ITPR1: variants seen among roughly 807,000 people sequenced by gnomAD.
ITPR1 encodes the protein inositol 1,4,5-trisphosphate receptor type 1.
A neutral mutation model predicts 318.4 loss-of-function variants in ITPR1; 96 were observed. The observed-to-expected ratio is 0.30, with a 90% confidence interval of 0.26 to 0.36. The LOEUF (loss-of-function observed/expected upper bound fraction) is 0.36, where lower values mean the gene tolerates loss of function less well. Ranked by LOEUF, ITPR1 falls within the 10% of genes least tolerant of loss-of-function variation. The pLI is 1.00. For missense variants in ITPR1, 2,440 were observed against 3,460.2 expected, an observed-to-expected ratio of 0.71 and a Z score of 7.40; for synonymous variants, 1,312 against 1,289.9, an observed-to-expected ratio of 1.02 and a Z score of -0.37.
chr3:4,682,835 A>G (rs552696734), intron 26 of ITPR1, among the ~76,000 whole-genome samples: 1 of 152,202 alleles, frequency 6.6e-6, no homozygotes, highest in Admixed American at 6.5e-5. Context: ...AGACCCAATA[A>G]TTGACTAGCA....
At chr3:4,628,916 C>T (rs182178365) in intron 5 of ITPR1, among the ~76,000 whole-genome samples, 112 of 152,358 alleles carry the variant, frequency 7.4e-4, no homozygotes, top group Non-Finnish European at 1.5e-3. Flanking sequence ...TTTTGACCAG[C>T]GTATGGCTAA....
intron 5 of ITPR1, 129 bp downstream of exon 5, chr3:4,628,007 C>T (rs190299782): frequency 8.7e-6 from 5 of 576,176 alleles, no homozygotes; most frequent in African/African-American, 3.8e-5. Context: ...CTTTTTTTTT[C>T]GTGAAGGGGT....
chr3:4,679,820 T>A (rs944598178), intron 24 of ITPR1, among the ~76,000 whole-genome samples: 1 of 152,124 alleles, frequency 6.6e-6, no homozygotes, highest in African/African-American at 2.4e-5. Flanking sequence ...GTAGGACACA[T>A]ACACTGAGAG....
chr3:4,526,435 G>A (rs2082983078), intron 4 of ITPR1, among the ~76,000 whole-genome samples: 1 of 152,204 alleles, frequency 6.6e-6, no homozygotes, highest in Non-Finnish European at 1.5e-5. Context: ...CAAATGTATT[G>A]TGAAAAATGA....
At chr3:4,805,136 G>A (rs1444707248) in intron 54 of ITPR1, among the ~76,000 whole-genome samples, 1 of 152,198 alleles carries the variant, frequency 6.6e-6, no homozygotes, top group African/African-American at 2.4e-5. Context: ...AGGAGAATAT[G>A]TATTGGTTCA....
In ITPR1 at chr3:4,795,198, C is replaced by A; in HGVS notation, c.6931+11C>A. 1 of 1,610,312 alleles carries A rather than the reference C, an allele frequency of 6.2e-7. No individual in the cohort carries two copies. Among genetic ancestry groups the A allele is most frequent in the Non-Finnish European group, 8.5e-7 (1 of 1,178,362 alleles). On this transcript the variant is annotated intron_variant, in intron 53 of 61. Coordinates refer to ENST00000649015, the MANE Select transcript of ITPR1 (RefSeq NM_001378452.1). ...AGGGAGTCCGAGGAGGTACCCATATCTTTAACTTCAAAAATCCTATTAGAA... is the reference window on the plus strand; with the variant it reads ...AGGGAGTCCGAGGAGGTACCCATATATTTAACTTCAAAAATCCTATTAGAA...
intron 10 of ITPR1, among the ~76,000 whole-genome samples, chr3:4,648,382 A>G (rs946519838): frequency 6.6e-6 from 1 of 152,208 alleles, no homozygotes; most frequent in Admixed American, 6.5e-5. Flanking sequence ...ATGAAATATC[A>G]GTTGTCAGAT....
At position 4,831,127 on chromosome 3, in the gene ITPR1, T is replaced by TCACACA. The variant is rs879186803; in HGVS notation, c.8029-5646_8029-5645insACACAC. The TCACACA allele has an allele frequency of 7.6e-3, 2,543 of 335,702 alleles. 10 individuals carry two copies. The highest frequency in any genetic ancestry group is 0.011 in the African/African-American group (372 of 34,786). 20.8% of individuals were successfully genotyped at this position (335,702 alleles called of 1,614,324 possible). On this transcript the variant is annotated intron_variant, in intron 60 of 61. Transcript: ENST00000649015. ...CTTTGTCTCTCTCTCTCTCTCTCTC[T>TCACACA]CTCTCACACACACACACACACACAC...
At chr3:4,626,731 A>G (rs540232357) in intron 4 of ITPR1, among the ~76,000 whole-genome samples, 13 of 152,308 alleles carry the variant, frequency 8.5e-5, no homozygotes, top group Admixed American at 2.0e-4. Context: ...GCCAGTTTAT[A>G]TATTTTCTTT....
intron 30 of ITPR1, among the ~76,000 whole-genome samples, chr3:4,688,088 T>G (rs13085936): frequency 0.42 from 63,329 of 151,818 alleles, 14,241 homozygotes; most frequent in Non-Finnish European, 0.53. Context: ...TAGAGATGGG[T>G]GTCTCACTAT....
rs745909398 is a variant in ITPR1, at chr3:4,727,177, C to T, written c.5220+4C>T. The T allele has an allele frequency of 1.1e-5, 18 of 1,591,076 alleles. No homozygotes were observed. The highest frequency in any genetic ancestry group is 6.7e-5 in the East Asian group (3 of 44,712). Reference sequence around the variant, plus strand: ...GCAGCTGGAAGACCATAAAAGGGTACGTAGTCTTGAGTCTTGGGTATCGGG... The same window carrying T: ...GCAGCTGGAAGACCATAAAAGGGTATGTAGTCTTGAGTCTTGGGTATCGGG... On this transcript the variant is annotated splice_donor_region_variant and intron_variant, in intron 42 of 61. Transcript: ENST00000649015.
At chr3:4,532,822 C>T (rs555291525) in intron 4 of ITPR1, among the ~76,000 whole-genome samples, 1 of 152,322 alleles carries the variant, frequency 6.6e-6, no homozygotes, top group East Asian at 1.9e-4. Flanking sequence ...TCAAAGTGCC[C>T]AGAGGTAGAA....
chr3:4,496,846 C>G lies in ITPR1; in HGVS notation c.-17+2340C>G, dbSNP rs923601447. On this transcript the variant is annotated intron_variant, in intron 2 of 61. Transcript: ENST00000649015. ...TCATGAGCAGCTCTTAGAAAACAAA[C>G]AAAAATAAAACAAACACCAAATATG... is the stretch of plus-strand genomic sequence containing the variant. Among the ~76,000 whole-genome samples the G allele has an allele frequency of 3.9e-5, 6 of 152,082 alleles. 1 individual carries two copies.
chr3:4,519,938 G>C (rs142468715), intron 3 of ITPR1, among the ~76,000 whole-genome samples: 1 of 152,130 alleles, frequency 6.6e-6, no homozygotes, highest in Non-Finnish European at 1.5e-5. Flanking sequence ...TGGTCGGGGG[G>C]GCTTTGTGGA....
intron 4 of ITPR1, among the ~76,000 whole-genome samples, chr3:4,555,859 G>A (rs1177184492): frequency 1.3e-5 from 2 of 152,200 alleles, no homozygotes; most frequent in Non-Finnish European, 2.9e-5. Context: ...AAGGAGGCTT[G>A]TCTGTCTTAT....
At chr3:4,565,586 G>A (rs374049831) in intron 4 of ITPR1, among the ~76,000 whole-genome samples, 39 of 152,204 alleles carry the variant, frequency 2.6e-4, no homozygotes, top group African/African-American at 9.4e-4. Flanking sequence ...TCCTGGTTGG[G>A]GTCAGCATCT....
chr3:4,675,996 G>A (rs774590884), intron 23 of ITPR1, among the ~76,000 whole-genome samples: 63 of 152,102 alleles, frequency 4.1e-4, no homozygotes, highest in Non-Finnish European at 7.1e-4. Flanking sequence ...TTTGTACCTT[G>A]TTAACTTTAT....
At chr3:4,527,920 A>G (rs1423436889) in intron 4 of ITPR1, among the ~76,000 whole-genome samples, 2 of 152,172 alleles carry the variant, frequency 1.3e-5, no homozygotes, top group Non-Finnish European at 2.9e-5. Flanking sequence ...TTTACATCTC[A>G]TGCAAGCTCT....
chr3:4,706,085 A>T, intron 36 of ITPR1, 82 bp from the exon 37 acceptor site: 1 of 1,472,110 alleles, frequency 6.8e-7, no homozygotes, highest in Non-Finnish European at 9.4e-7. Context: ...AACCTGCTGG[A>T]TGGGGACTAG....
Sources: gnomAD v4.1 joint callset for allele counts (sites outside exome capture counted in the v4.1 genomes callset) on GRCh38, gnomAD v4.1.1 for gene constraint, MANE v1.5 for transcripts, NCBI Gene and HGNC (gene_info 2026-07-23, HGNC 2026-07-21) for gene names.